BACH1: variants seen among roughly 807,000 people sequenced by gnomAD.
BACH1 encodes BTB domain and CNC homolog 1.
Under a neutral mutation model 52.9 loss-of-function variants are expected in BACH1, and 35 were observed. The ratio of observed to expected loss-of-function variants is 0.66; its 90% CI spans 0.51 to 0.88. The LOEUF is 0.88. Ranked by LOEUF, BACH1 falls within the 40% of genes least tolerant of loss-of-function variation. The pLI, the probability that BACH1 is intolerant of heterozygous loss-of-function variation, is 0.00. For synonymous variants in BACH1, 321 were observed against 319.6 expected, an observed-to-expected ratio of 1.00 and a Z score of -0.05; for missense variants, 808 against 872.6, an observed-to-expected ratio of 0.93 and a Z score of 0.93.
chr21:29,308,599 G>A (rs1472858435), intron 1 of BACH1, among the ~76,000 whole-genome samples: 2 of 151,712 alleles, frequency 1.3e-5, no homozygotes, highest in Non-Finnish European at 2.9e-5. Context: ...TTATCTTTTC[G>A]GTTACTATGC....
At chr21:29,336,409 G>C (rs2089044651) in intron 4 of BACH1, among the ~76,000 whole-genome samples, 2 of 152,100 alleles carry the variant, frequency 1.3e-5, no homozygotes, top group African/African-American at 2.4e-5. Flanking sequence ...TGGGTAGCTG[G>C]GAAGTGCCAG....
downstream of BACH1, among the ~76,000 whole-genome samples, chr21:29,349,761 T>C (rs1219078619): frequency 2.0e-5 from 3 of 152,190 alleles, no homozygotes; most frequent in South Asian, 2.1e-4. Flanking sequence ...TCTAAGAATA[T>C]AATTTTTCTT....
In BACH1 at chr21:29,326,249, G is replaced by A; in HGVS notation, c.425G>A (p.Arg142Lys). The stretch of plus-strand genomic sequence containing the variant: ...ACTGCAGACCAGCAAGAATGCCCAA[G>A]AAAAAAATGCTTTTCATCACACTGT... ...DSTADQQECPRKKCFSSHCQK... is the reference protein window; with the variant it reads ...DSTADQQECPKKKCFSSHCQK... Residue 142 changes from arginine (R) to lysine (K), a missense_variant, in exon 3 of 5, where the codon AGA becomes AAA. Transcript: ENST00000286800. The A allele has an allele frequency of 5.0e-6, 8 of 1,613,222 alleles. No individual in the cohort carries two copies. The East Asian group carries it at 8.9e-5, about 18-fold the overall frequency.
chr21:29,324,593 TG>T (rs2088888842), intron 2 of BACH1, among the ~76,000 whole-genome samples: 1 of 119,056 alleles, frequency 8.4e-6, no homozygotes, highest in Admixed American at 8.8e-5. Flanking sequence ...TGTGTGTGTG[TG>T]TGTGTGTAGC....
At chr21:29,348,603 G>T (rs1033738517), downstream of BACH1, among the ~76,000 whole-genome samples, 1 of 152,148 alleles carries the variant, frequency 6.6e-6, no homozygotes, top group African/African-American at 2.4e-5. Context: ...ATTCCTGGGG[G>T]AAAGACCACC....
At chr21:29,353,418 A>G (rs1219841286) in intron 2 of BACH1, among the ~76,000 whole-genome samples, 1 of 152,148 alleles carries the variant, frequency 6.6e-6, no homozygotes, top group African/African-American at 2.4e-5. Context: ...CCAATTCAGT[A>G]CCCACTAGCC....
chr21:29,315,733 A>G (rs1304345959), intron 1 of BACH1, among the ~76,000 whole-genome samples: 2 of 152,186 alleles, frequency 1.3e-5, no homozygotes, highest in Admixed American at 6.5e-5. Context: ...TTTTTGTTTG[A>G]AGACTTACTT....
downstream of BACH1, among the ~76,000 whole-genome samples, chr21:29,348,245 G>T (rs1403487843): frequency 6.6e-6 from 1 of 152,106 alleles, no homozygotes; most frequent in African/African-American, 2.4e-5. Flanking sequence ...TGTTCCTACC[G>T]TGCTCCAGAA....
At chr21:29,310,201 A>G (rs1368469303) in intron 1 of BACH1, among the ~76,000 whole-genome samples, 2 of 152,212 alleles carry the variant, frequency 1.3e-5, no homozygotes, top group African/African-American at 4.8e-5. Context: ...GTAATTGGCA[A>G]TCTTTGGGAG....
chr21:29,326,786 A>T lies in BACH1; in HGVS notation c.962A>T (p.Tyr321Phe). Residue 321 changes from tyrosine (Y) to phenylalanine (F), a missense_variant, in exon 3 of 5, where the codon TAT becomes TTT. Physicochemically the swap from Tyr to Phe is conservative, Grantham distance 22 (BLOSUM62 3). Coordinates refer to ENST00000286800, the MANE Select transcript of BACH1 (RefSeq NM_001186.4). The stretch of plus-strand genomic sequence containing the variant: ...TCTTCCATAGACCCTCATGGACTTT[A>T]TTCTTTGTCTCTTTTACACACATAT... ...HNSSIDPHGL[Y>F]SLSLLHTYDQ... 6.2e-7 allele frequency: 1 copy of T among 1,614,064 alleles called. No homozygotes were observed. The highest frequency in any genetic ancestry group is 8.5e-7 in the Non-Finnish European group (1 of 1,180,030).
chr21:29,350,483 T>C (rs2089196282), downstream of BACH1, among the ~76,000 whole-genome samples: 1 of 152,192 alleles, frequency 6.6e-6, no homozygotes, highest in African/African-American at 2.4e-5. Flanking sequence ...GTTGACCTTA[T>C]CAGGTTGTTT....
At chr21:29,302,386 A>G (rs1257192818) in intron 1 of BACH1, among the ~76,000 whole-genome samples, 1 of 152,226 alleles carries the variant, frequency 6.6e-6, no homozygotes, top group African/African-American at 2.4e-5. Context: ...TGGCTTACAC[A>G]GTGCACTAAC....
intron 1 of BACH1, among the ~76,000 whole-genome samples, chr21:29,311,661 T>C (rs973047363): frequency 2.0e-5 from 3 of 152,216 alleles, no homozygotes; most frequent in African/African-American, 7.2e-5. Context: ...CATGTATTTG[T>C]AATCTTATTA....
Position 29,321,325 on chromosome 21 carries a change from G to A in BACH1, c.45G>A (p.Val15=), listed in dbSNP as rs1381140814. Residue 15 remains valine, a synonymous_variant, in exon 2 of 5, where the codon GTG becomes GTA. Coordinates refer to ENST00000286800, the MANE Select transcript of BACH1 (RefSeq NM_001186.4). ...ENSVFAYESS[V]HSTNVLLSLN... is the part of the protein sequence containing the mutation. ...CGGTTTTTGCCTATGAATCTTCTGT[G>A]CATAGCACCAATGTTTTACTCAGCC... 3 of 1,614,200 alleles carry A rather than the reference G, an allele frequency of 1.9e-6. No homozygotes were observed. The highest frequency in any genetic ancestry group is 2.5e-6 in the Non-Finnish European group (3 of 1,180,038).
In BACH1 at chr21:29,344,925, T is replaced by C. The variant is rs775698125; in HGVS notation, c.*2092T>C. 6.6e-6 allele frequency: 1 copy of C among 152,648 alleles called. No individual in the cohort carries two copies. Among genetic ancestry groups the C allele is most frequent in the Non-Finnish European group, 1.5e-5 (1 of 68,028 alleles). 9.5% of individuals were successfully genotyped at this position (152,648 alleles called of 1,614,324 possible). On this transcript the variant is annotated 3_prime_UTR_variant, in exon 5 of 5. Transcript: ENST00000286800. ...CTTGCTTTGAAAGATTACCTACTATTTTATGATAAAATGTAGTTGTCTCCA... is the reference window on the plus strand; with the variant it reads ...CTTGCTTTGAAAGATTACCTACTATCTTATGATAAAATGTAGTTGTCTCCA...
intron 2 of BACH1, among the ~76,000 whole-genome samples, chr21:29,325,119 G>T (rs1037588193): frequency 1.3e-5 from 2 of 152,004 alleles, no homozygotes; most frequent in Non-Finnish European, 2.9e-5. Context: ...AGTCCCAGCT[G>T]CTCGGGAGGC....
intron 1 of BACH1, among the ~76,000 whole-genome samples, chr21:29,309,229 G>T (rs1006377665): frequency 6.7e-6 from 1 of 148,636 alleles, no homozygotes; most frequent in African/African-American, 2.5e-5. Flanking sequence ...CTGCACTCCA[G>T]CCTGGGTGAC....
At chr21:29,317,303 A>G (rs1297005221) in intron 1 of BACH1, among the ~76,000 whole-genome samples, 1 of 152,250 alleles carries the variant, frequency 6.6e-6, no homozygotes, top group African/African-American at 2.4e-5. Flanking sequence ...CTGTATTAAA[A>G]ATAAGAAATT....
chr21:29,312,173 C>T lies in BACH1; in HGVS notation c.-60-9048C>T, dbSNP rs187466916. Among the ~76,000 whole-genome samples the T allele has an allele frequency of 1.2e-3, 187 of 152,098 alleles. 3 individuals are homozygous for T. Among genetic ancestry groups the T allele is most frequent in the Admixed American group, 0.011 (174 of 15,274 alleles). ...GTAAGCATTTAGAAAGTGGTGTAGACAAACCGTGGAAGAGGCTGAGTTGGG... is the reference window on the plus strand; with the variant it reads ...GTAAGCATTTAGAAAGTGGTGTAGATAAACCGTGGAAGAGGCTGAGTTGGG... On this transcript the variant is annotated intron_variant, in intron 1 of 4. Transcript: ENST00000286800.
Sources: gnomAD v4.1 joint callset for allele counts (sites outside exome capture counted in the v4.1 genomes callset) on GRCh38, gnomAD v4.1.1 for gene constraint, MANE v1.5 for transcripts, NCBI Gene and HGNC (gene_info 2026-07-23, HGNC 2026-07-21) for gene names.